FAT4: variants seen among roughly 807,000 people sequenced by gnomAD.
FAT4 encodes the protein protocadherin Fat 4.
A neutral mutation model predicts 303.9 loss-of-function variants in FAT4; 84 were observed. The observed-to-expected ratio is 0.28, with a 90% confidence interval of 0.23 to 0.33. The LOEUF is 0.33. Among genes scored for constraint, FAT4 ranks in the 10% least tolerant of loss-of-function variants. The pLI is 1.00. For missense variants in FAT4, 6,005 were observed against 6,146.8 expected (o/e 0.98, Z 0.77); for synonymous variants, 2,307 against 2,298.8 (o/e 1.00, Z -0.10).
In FAT4 at chr4:125,491,509, G is replaced by A. The variant is rs531333503; in HGVS notation, c.14693G>A (p.Arg4898His). The change falls in exon 18 of 18, where the codon CGC becomes CAC. Residue 4898 changes from arginine (R) to histidine (H), a missense_variant. Transcript: ENST00000394329. ...CTGAAGCCTCGAAGGTACCACGGTCGCAGGGCCGAGGGAGGACCTGTGGGC... is the reference window on the plus strand; with the variant it reads ...CTGAAGCCTCGAAGGTACCACGGTCACAGGGCCGAGGGAGGACCTGTGGGC... ...ARLKPRRYHG[R>H]RAEGGPVGTQ... The A allele has an allele frequency of 3.0e-5, 48 of 1,614,148 alleles. 1 individual carries two copies. In the South Asian group the frequency reaches 4.6e-4, roughly 16 times the overall value.
At chr4:125,438,334 G>A (rs1220624651) in intron 8 of FAT4, among the ~76,000 whole-genome samples, 1 of 152,078 alleles carries the variant, frequency 6.6e-6, no homozygotes, top group East Asian at 1.9e-4. Context: ...GCTATCCTAT[G>A]CTTGTGAATT....
rs759220911 is a variant in FAT4 at position 125,448,793 on chromosome 4, T to C, written c.7783T>C (p.Ser2595Pro). 9 of 1,610,842 alleles carry C rather than the reference T, an allele frequency of 5.6e-6. No homozygotes were observed. Among genetic ancestry groups the C allele is most frequent in the Non-Finnish European group, 7.6e-6 (9 of 1,179,890 alleles). ...TCTTGTCACCACCATCACAGGATCC[T>C]CTTTAAGAGGAGAACCTATGTCATA... ...SSLVTTITGSSLRGEPMSYYI... is the reference protein window; with the variant it reads ...SSLVTTITGSPLRGEPMSYYI... Residue 2595 changes from serine (S) to proline (P), a missense_variant, in exon 10 of 18, where the codon TCT (serine) becomes CCT (proline). Ser to Pro is a moderately conservative substitution (Grantham distance 74). Transcript: ENST00000394329.
intron 2 of FAT4, among the ~76,000 whole-genome samples, chr4:125,376,917 CAAAAT>C (rs1716773867): frequency 6.6e-6 from 1 of 151,966 alleles, no homozygotes; most frequent in Non-Finnish European, 1.5e-5. Context: ...AATAAAATAA[CAAAAT>C]AGAAGAAATT....
rs1158503332 is a variant in FAT4 at position 125,321,536 on chromosome 4, G to A, written c.5125G>A (p.Val1709Ile). 2 of 1,613,092 alleles carry A rather than the reference G, an allele frequency of 1.2e-6. No individual in the cohort carries two copies. Among genetic ancestry groups the A allele is most frequent in the African/African-American group, 2.7e-5 (2 of 74,870 alleles). The change falls in exon 2 of 18, where the codon GTT (valine) becomes ATT (isoleucine). Residue 1709 changes from valine (V) to isoleucine (I), a missense_variant. Physicochemically the swap from Val to Ile is conservative, Grantham distance 29 (BLOSUM62 3). Coordinates refer to ENST00000394329, the MANE Select transcript of FAT4 (RefSeq NM_001291303.3). ...AGGAGCATGTCTTTACCTGGTGGAT[G>A]TTTATGCCATAGAAAAATCAACTGC... The part of the protein sequence containing the change: ...EQGACLYLVD[V>I]YAIEKSTAFP...
At chr4:125,424,367 C>T (rs1200471560) in intron 7 of FAT4, among the ~76,000 whole-genome samples, 3 of 152,174 alleles carry the variant, frequency 2.0e-5, no homozygotes, top group African/African-American at 7.2e-5. Context: ...TCACTCTGCA[C>T]ATCTCATTTT....
At position 125,446,402 on chromosome 4, in the gene FAT4, G is replaced by C; in HGVS notation, c.7309G>C (p.Val2437Leu). The C allele has an allele frequency of 6.2e-7, 1 of 1,613,500 alleles. No homozygotes were observed. Among genetic ancestry groups the C allele is most frequent in the South Asian group, 1.1e-5 (1 of 91,070 alleles). ...RETKDNYTLV[V>L]VCSDAGSPEP... ...AACAAAAGATAATTATACTTTGGTA[G>C]TGGTCTGCAGTGATGCGGGATCCCC... The change falls in exon 9 of 18, where the codon GTG (valine) becomes CTG (leucine). Residue 2437 changes from valine to leucine, a missense_variant. By Grantham distance (32) the Val-to-Leu change is conservative. Coordinates refer to ENST00000394329, the MANE Select transcript of FAT4 (RefSeq NM_001291303.3).
At position 125,452,271 on chromosome 4, in the gene FAT4, G is replaced by A. The variant is rs753078709; in HGVS notation, c.11261G>A (p.Ser3754Asn). ...TGLGTAVQLYSAYEENNRTFL... is the reference protein window; with the variant it reads ...TGLGTAVQLYNAYEENNRTFL... ...TTAGGGACTGCTGTGCAACTGTACA[G>A]TGCATATGAAGAGAACAATAGAACG... The change falls in exon 10 of 18, where the codon AGT (serine) becomes AAT (asparagine). Residue 3754 changes from serine to asparagine, a missense_variant. Physicochemically the swap from Ser to Asn is conservative, Grantham distance 46 (BLOSUM62 1). Transcript: ENST00000394329. 14 of 1,614,234 alleles carry A rather than the reference G, an allele frequency of 8.7e-6. No individual in the cohort carries two copies. Among genetic ancestry groups the A allele is most frequent in the Non-Finnish European group, 1.2e-5 (14 of 1,180,040 alleles).
At chr4:125,403,910 A>G (rs966827013) in intron 3 of FAT4, among the ~76,000 whole-genome samples, 2 of 152,122 alleles carry the variant, frequency 1.3e-5, no homozygotes, top group African/African-American at 4.8e-5. Flanking sequence ...AAATTTTACT[A>G]ATTTGTCCCA....
Position 125,449,493 on chromosome 4 carries a change from A to T in FAT4, c.8483A>T (p.Asp2828Val), listed in dbSNP as rs1343399803. 2.5e-6 allele frequency: 4 copies of T among 1,613,922 alleles called. No individual in the cohort carries two copies. The highest frequency in any genetic ancestry group is 2.2e-5 in the East Asian group (1 of 44,852). Residue 2828 changes from aspartate to valine, a missense_variant, in exon 10 of 18, where the codon GAT becomes GTT. Transcript: ENST00000394329. The part of the protein sequence containing the change: ...LPFTINPSTG[D>V]IVISRPLNRE... ...TTTACAATTAATCCCAGCACAGGGGATATTGTCATAAGCAGACCTTTAAAT... is the reference window on the plus strand; with the variant it reads ...TTTACAATTAATCCCAGCACAGGGGTTATTGTCATAAGCAGACCTTTAAAT...
chr4:125,388,244 G>A (rs565424503), intron 2 of FAT4, among the ~76,000 whole-genome samples: 1 of 152,280 alleles, frequency 6.6e-6, no homozygotes, highest in East Asian at 1.9e-4. Flanking sequence ...CCTTTAGTGG[G>A]AGGGACTGCA....
In FAT4 at chr4:125,316,407, G is replaced by C. The variant is rs778698184; in HGVS notation, c.-5G>C. 1.2e-6 allele frequency: 2 copies of C among 1,601,384 alleles called. No individual in the cohort carries two copies. The highest frequency in any genetic ancestry group is 3.4e-5 in the Admixed American group (2 of 59,338). ...TTTATCACATCGTTTTAGGGAGCCA[G>C]GACCATGGACTTAGCACCAGACAGG... On this transcript the variant is annotated 5_prime_UTR_variant, in exon 2 of 18. Transcript: ENST00000394329. This position sits in a 1 kb window ranked among gnomAD's most constrained non-coding sequence, Gnocchi z 5.7.
At position 125,436,267 on chromosome 4, in the gene FAT4, A is replaced by T. The variant is rs868273588; in HGVS notation, c.7199+1842A>T. Among the ~76,000 whole-genome samples the T allele has an allele frequency of 5.9e-5, 9 of 152,328 alleles. No homozygotes were observed. The South Asian group carries it at 1.7e-3, about 28-fold the overall frequency. ...TCAGAATCATCTAAGTTTTCCACTCAAACACCTAGGCAGATCATGATATGA... is the reference window on the plus strand; with the variant it reads ...TCAGAATCATCTAAGTTTTCCACTCTAACACCTAGGCAGATCATGATATGA... On this transcript the variant is annotated intron_variant, in intron 8 of 17. Coordinates refer to ENST00000394329, the MANE Select transcript of FAT4 (RefSeq NM_001291303.3).
intron 5 of FAT4, among the ~76,000 whole-genome samples, chr4:125,409,469 T>C (rs1734763075): frequency 6.6e-6 from 1 of 152,130 alleles, no homozygotes; most frequent in Non-Finnish European, 1.5e-5. Context: ...TTGGTCAGGC[T>C]AATCTCCAAC....
chr4:125,450,285 C>G lies in FAT4; in HGVS notation c.9275C>G (p.Ser3092Cys). Residue 3092 changes from serine to cysteine, a missense_variant, in exon 10 of 18, where the codon TCT becomes TGT. Coordinates refer to ENST00000394329, the MANE Select transcript of FAT4 (RefSeq NM_001291303.3). ...GAAAACTACCATACACCTGAATTCTCTCAAAGCCACATGAGTGCAACCATC... is the reference window on the plus strand; with the variant it reads ...GAAAACTACCATACACCTGAATTCTGTCAAAGCCACATGAGTGCAACCATC... ...TEENYHTPEF[S>C]QSHMSATIPE... The G allele has an allele frequency of 6.2e-7, 1 of 1,614,082 alleles. No homozygotes were observed. Among genetic ancestry groups the G allele is most frequent in the Non-Finnish European group, 8.5e-7 (1 of 1,180,006 alleles).
chr4:125,468,547 G>A lies in FAT4; in HGVS notation c.11941G>A (p.Gly3981Arg), dbSNP rs751386315. 6.2e-7 allele frequency: 1 copy of A among 1,611,174 alleles called. No individual in the cohort carries two copies. Among genetic ancestry groups the A allele is most frequent in the Admixed American group, 1.7e-5 (1 of 59,890 alleles). ...FGKHCELNSY[G>R]FEELSYMEFP... ...AAAACACTGCGAGTTGAACAGTTAT[G>A]GATTTGAGGAGTTATCATACATGGA... The change falls in exon 12 of 18, where the codon GGA (glycine) becomes AGA (arginine). Residue 3981 changes from glycine (G) to arginine (R), a missense_variant. Transcript: ENST00000394329.
intron 2 of FAT4, among the ~76,000 whole-genome samples, chr4:125,359,273 G>GA (rs1285254753): frequency 6.6e-6 from 1 of 152,028 alleles, no homozygotes; most frequent in Non-Finnish European, 1.5e-5. Context: ...AGGCCAAATG[G>GA]AAAAAATCTT....
Position 125,451,240 on chromosome 4 carries a change from C to G in FAT4, c.10230C>G (p.Ile3410Met), listed in dbSNP as rs1726056974. The G allele has an allele frequency of 1.2e-6, 2 of 1,613,986 alleles. No homozygotes were observed. Among genetic ancestry groups the G allele is most frequent in the Non-Finnish European group, 8.5e-7 (1 of 1,180,028 alleles). The change falls in exon 10 of 18, where the codon ATC (isoleucine) becomes ATG (methionine). Residue 3410 changes from isoleucine to methionine, a missense_variant. Coordinates refer to ENST00000394329, the MANE Select transcript of FAT4 (RefSeq NM_001291303.3). The stretch of plus-strand genomic sequence containing the variant: ...ACCCACCCATTTTTACTCTAAACAT[C>G]TACAGTGTGCAGATCAGTGAAGGGG... ...ANDPPIFTLN[I>M]YSVQISEGVP...
intron 8 of FAT4, among the ~76,000 whole-genome samples, chr4:125,445,862 C>T (rs1725806106): frequency 6.6e-6 from 1 of 152,112 alleles, no homozygotes; most frequent in African/African-American, 2.4e-5. Flanking sequence ...ATACAATTTT[C>T]AACTGATCTT....
chr4:125,381,737 A>G (rs532809244), intron 2 of FAT4, among the ~76,000 whole-genome samples: 5 of 152,264 alleles, frequency 3.3e-5, no homozygotes, highest in Admixed American at 6.5e-5. Flanking sequence ...TCTGACTGTC[A>G]TGAAAGATTT....
Sources: allele counts gnomAD v4.1 joint callset (sites outside exome capture counted in the v4.1 genomes callset), GRCh38; gene constraint gnomAD v4.1.1; non-coding constraint Gnocchi (gnomAD v3.1); transcripts MANE v1.5; gene names NCBI Gene and HGNC (gene_info 2026-07-23, HGNC 2026-07-21).